Variants in KLHL21 observed in about 807,000 individuals in gnomAD.
KLHL21 encodes the protein kelch like family member 21.
KLHL21 carries 42 observed loss-of-function variants against 44.1 expected under a neutral mutation model. The ratio of observed to expected loss-of-function variants is 0.95; its 90% CI spans 0.74 to 1.23. The LOEUF (loss-of-function observed/expected upper bound fraction) is 1.23. Among genes scored for constraint, KLHL21 ranks in the 50% most tolerant of loss-of-function variants. The pLI, the probability that KLHL21 is intolerant of heterozygous loss-of-function variation, is 0.00. For synonymous variants in KLHL21, 524 were observed against 411.6 expected (o/e 1.27, Z -3.31); for missense variants, 918 against 889.1 (o/e 1.03, Z -0.41).
At position 6,598,662 on chromosome 1, in the gene KLHL21, C is replaced by T. The variant is rs190377613; in HGVS notation, c.1427+385G>A. 3.5e-3 allele frequency among the ~76,000 whole-genome samples: 527 copies of T among 152,252 alleles called. 4 individuals are homozygous for T. Among genetic ancestry groups the T allele is most frequent in the African/African-American group, 0.012 (517 of 41,546 alleles). ...CTTTGGGAGGCCAAGGCGGACCGAT[C>T]ATGAGGTCAGGAGATCAAGACCATC... On this transcript the variant is annotated intron_variant, in intron 2 of 3. Coordinates refer to ENST00000377658, the MANE Select transcript of KLHL21 (RefSeq NM_014851.4).
intron 3 of KLHL21, 167 bp downstream of exon 3, chr1:6,595,318 G>A: frequency 1.4e-6 from 1 of 701,258 alleles, no homozygotes. Flanking sequence ...TAACATCTGT[G>A]TCTCAGTGAG....
chr1:6,601,740 C>T (rs1338584701), intron 1 of KLHL21, 57 bp downstream of exon 1: 5 of 1,477,004 alleles, frequency 3.4e-6, no homozygotes, highest in South Asian at 1.3e-5. Context: ...AATAGCTGGG[C>T]TCCCGTACCG....
At chr1:6,601,290 T>A (rs966756493) in intron 1 of KLHL21, among the ~76,000 whole-genome samples, 4 of 152,150 alleles carry the variant, frequency 2.6e-5, no homozygotes, top group Non-Finnish European at 5.9e-5. Context: ...CTAAACACCA[T>A]GTGACCAGAG....
chr1:6,593,532 C>G lies in KLHL21; in HGVS notation c.1627G>C (p.Val543Leu). The G allele has an allele frequency of 6.2e-7, 1 of 1,613,922 alleles. No individual in the cohort carries two copies. The highest frequency in any genetic ancestry group is 8.5e-7 in the Non-Finnish European group (1 of 1,180,020). Reference protein sequence around the residue: ...YDPETRAWSVVGRLPEPTFWH... With the variant: ...YDPETRAWSVLGRLPEPTFWH... Reference sequence around the variant, plus strand: ...AAGGTGGGTTCTGGGAGCCGCCCCACCACGCTCCACGCGCGAGTCTCTGGG... The same window carrying G: ...AAGGTGGGTTCTGGGAGCCGCCCCAGCACGCTCCACGCGCGAGTCTCTGGG... The change falls in exon 4 of 4, where the codon GTG (valine) becomes CTG (leucine). Residue 543 changes from valine (V) to leucine (L), a missense_variant. Coordinates refer to ENST00000377658, the MANE Select transcript of KLHL21 (RefSeq NM_014851.4).
At chr1:6,598,399 G>A (rs1640958076) in intron 2 of KLHL21, among the ~76,000 whole-genome samples, 2 of 151,816 alleles carry the variant, frequency 1.3e-5, no homozygotes, top group African/African-American at 4.8e-5. Flanking sequence ...GAGAAACCCT[G>A]TCTCTACTAA....
intron 3 of KLHL21, chr1:6,594,075 A>G: frequency 9.9e-7 from 1 of 1,008,778 alleles, no homozygotes; most frequent in Non-Finnish European, 1.2e-6. Flanking sequence ...GATTCCTTCC[A>G]TCTTTCCCAA....
At chr1:6,593,792 CAG>C (rs772768244) in intron 3 of KLHL21, 134 bp from the exon 4 acceptor site, 65 of 1,397,114 alleles carry the variant, frequency 4.7e-5, no homozygotes, top group Admixed American at 1.2e-4. Flanking sequence ...CAGAAAGCAG[CAG>C]AGAGGCCAAC....
At chr1:6,594,050 A>G in intron 3 of KLHL21, 3 of 1,026,774 alleles carry the variant, frequency 2.9e-6, no homozygotes, top group Non-Finnish European at 3.5e-6. Context: ...TGGGCTCTGA[A>G]CCGCGAGGCT....
rs1283905698 is a variant in KLHL21, at chr1:6,592,035, GTATGGAC to G, written c.*1323_*1329del. On this transcript the variant is annotated 3_prime_UTR_variant, in exon 4 of 4. Transcript: ENST00000377658. ...ACCCGACAGCAATGACATCCACAGTGTATGGACTGGGCTCTTGAGGAGCACGAGGGAG... is the reference window on the plus strand; with the variant it reads ...ACCCGACAGCAATGACATCCACAGTGTGGGCTCTTGAGGAGCACGAGGGAG... 8.5e-5 allele frequency: 13 copies of G among 152,324 alleles called. No homozygotes were observed. Among genetic ancestry groups the G allele is most frequent in the Admixed American group, 8.5e-4 (13 of 15,286 alleles). The allele number at this position is 152,324 out of a possible 1,614,324, so 9.4% of individuals were successfully genotyped here. A position where few individuals can be genotyped will look rare whatever the true frequency, so the allele number is the denominator to read the frequency against.
intron 2 of KLHL21, among the ~76,000 whole-genome samples, chr1:6,597,292 G>C (rs1241114127): frequency 1.3e-5 from 2 of 152,188 alleles, no homozygotes; most frequent in South Asian, 4.1e-4. Context: ...CCTCCCTGGC[G>C]CACATCTTCA....
At chr1:6,598,140 G>A (rs1271890293) in intron 2 of KLHL21, among the ~76,000 whole-genome samples, 1 of 152,242 alleles carries the variant, frequency 6.6e-6, no homozygotes, top group East Asian at 1.9e-4. Flanking sequence ...GGCTCCGAAA[G>A]ACCAGGCCTG....
At chr1:6,601,652 G>C in intron 1 of KLHL21, 145 bp downstream of exon 1, 2 of 1,297,250 alleles carry the variant, frequency 1.5e-6, no homozygotes, top group Non-Finnish European at 1.0e-6. Flanking sequence ...GTATCGCCCA[G>C]AGACATGTAG....
chr1:6,601,724 C>A, intron 1 of KLHL21, 73 bp downstream of exon 1: 1 of 1,467,026 alleles, frequency 6.8e-7, no homozygotes, highest in Non-Finnish European at 9.1e-7. Flanking sequence ...GTGCGCTTCC[C>A]CCGCGAATAG....
intron 1 of KLHL21, chr1:6,599,792 GGGGAGCC>G: frequency 3.8e-6 from 1 of 263,978 alleles, no homozygotes; most frequent in Admixed American, 5.0e-5. Context: ...CAGTTCTCCT[GGGGAGCC>G]ACAGAGCTTG....
At position 6,599,115 on chromosome 1, in the gene KLHL21, G is replaced by A. The variant is rs200057067; in HGVS notation, c.1359C>T (p.Cys453=). ...CGAAGGACCAGGGCGGGAGCTGGCC[G>A]CAGTCCACCAGCGACCACAGGTCGG... The part of the protein sequence containing the change: ...PDTDLWSLVD[C]GQLPPWSFAP... The change falls in exon 2 of 4, where the codon TGC becomes TGT. Residue 453 remains cysteine, a synonymous_variant. Transcript: ENST00000377658. 1.1e-5 allele frequency: 17 copies of A among 1,613,074 alleles called. No homozygotes were observed. In the Admixed American group the frequency reaches 1.5e-4, roughly 14 times the overall value.
Position 6,602,362 on chromosome 1 carries a change from T to G in KLHL21, c.456A>C (p.Gly152=), listed in dbSNP as rs1331027304. 4 of 1,577,298 alleles carry G rather than the reference T, an allele frequency of 2.5e-6. No individual in the cohort carries two copies. The highest frequency in any genetic ancestry group is 1.2e-5 in the South Asian group (1 of 86,878). ...QDFAEAFSCS[G]LASAAQRFIL... is the part of the protein sequence containing the mutation. ...TGAACCGCTGCGCCGCGCTCGCCAG[T>G]CCCGAGCAGCTGAAGGCCTCAGCGA... is the stretch of plus-strand genomic sequence containing the variant. Residue 152 remains glycine (G), a synonymous_variant, in exon 1 of 4, where the codon GGA becomes GGC. Transcript: ENST00000377658.
At chr1:6,599,885 C>A (rs1231179413) in intron 1 of KLHL21, 2 of 173,864 alleles carry the variant, frequency 1.2e-5, no homozygotes, top group African/African-American at 4.8e-5. Context: ...TCTGCCAGGA[C>A]AAGATGAGCG....
chr1:6,600,663 G>C (rs1486536246), intron 1 of KLHL21, among the ~76,000 whole-genome samples: 2 of 152,250 alleles, frequency 1.3e-5, no homozygotes, highest in African/African-American at 4.8e-5. Flanking sequence ...GGGATTAACT[G>C]CTCTGCTGGG....
rs1570206395 is a variant in KLHL21 at position 6,602,205 on chromosome 1, A to G, written c.613T>C (p.Trp205Arg). The G allele has an allele frequency of 6.6e-7, 1 of 1,510,934 alleles. No individual in the cohort carries two copies. The highest frequency in any genetic ancestry group is 8.8e-7 in the Non-Finnish European group (1 of 1,137,092). The allele number at this position is 1,510,934 out of a possible 1,614,324, so 93.6% of individuals were successfully genotyped here. Residue 205 changes from tryptophan (W) to arginine (R), a missense_variant, in exon 1 of 4, where the codon TGG becomes CGG. Trp to Arg is a moderately radical substitution (Grantham distance 101). Transcript: ENST00000377658. ...CGGCGCGGCGGGTCAGCGCGGACCC[A>G]GCGCAGCGCCAGCTGGTAGGCGGCC... ...EEAAYQLALR[W>R]VRADPPRRAA... is the part of the protein sequence containing the mutation.
Sources: allele counts gnomAD v4.1 joint callset (sites outside exome capture counted in the v4.1 genomes callset), GRCh38; gene constraint gnomAD v4.1.1; transcripts MANE v1.5; gene names NCBI Gene and HGNC (gene_info 2026-07-23, HGNC 2026-07-21).